Variants in KIF13A observed in about 807,000 individuals in gnomAD.
The protein encoded by KIF13A is kinesin family member 13A.
KIF13A carries 79 observed loss-of-function variants against 212.2 expected under a neutral mutation model. The ratio of observed to expected loss-of-function variants is 0.37; its 90% CI spans 0.31 to 0.45. KIF13A has a LOEUF of 0.45. Among genes scored for constraint, KIF13A ranks in the 20% least tolerant of loss-of-function variants. The pLI is 1.00. For synonymous variants in KIF13A, 789 were observed against 808.6 expected, an observed-to-expected ratio of 0.98 and a Z score of 0.41; for missense variants, 1,901 against 2,209.0, an observed-to-expected ratio of 0.86 and a Z score of 2.79.
chr6:17,827,650 T>C lies in KIF13A; in HGVS notation c.1532+590A>G, dbSNP rs1309702898. On this transcript the variant is annotated intron_variant, in intron 14 of 38. Coordinates refer to ENST00000259711, the MANE Select transcript of KIF13A (RefSeq NM_022113.6). The stretch of plus-strand genomic sequence containing the variant: ...CTCCCACCTCAGCCTTGTAAGTAGC[T>C]GGGACTAGAGGAATTGAACACCATG... Among the ~76,000 whole-genome samples the C allele has an allele frequency of 2.0e-5, 3 of 152,198 alleles. No individual in the cohort carries two copies. In the East Asian group the frequency reaches 5.8e-4, roughly 29 times the overall value.
intron 2 of KIF13A, among the ~76,000 whole-genome samples, chr6:17,946,425 G>C (rs1418829452): frequency 1.3e-5 from 2 of 148,252 alleles, no homozygotes; most frequent in African/African-American, 5.0e-5. Flanking sequence ...TAACACCAAG[G>C]AATCAATTTT....
chr6:17,844,692 G>A (rs1766848273), intron 9 of KIF13A, among the ~76,000 whole-genome samples: 1 of 152,178 alleles, frequency 6.6e-6, no homozygotes, highest in Non-Finnish European at 1.5e-5. Context: ...GTGTCCCAAG[G>A]AGCAGAGTTT....
Position 17,898,142 on chromosome 6 carries a change from A to G in KIF13A, c.159+26T>C, listed in dbSNP as rs1285106105. ...ATTTTTGCACACTAAGCCAGTATAC[A>G]TGCCAAATTTCATATTAGTGCTTAC... On this transcript the variant is annotated intron_variant, in intron 3 of 38. Transcript: ENST00000259711. The surrounding 1 kb of genome is among the most constrained non-coding windows in gnomAD (Gnocchi z 5.2). The G allele has an allele frequency of 2.5e-6, 4 of 1,611,530 alleles. No homozygotes were observed. Among genetic ancestry groups the G allele is most frequent in the Non-Finnish European group, 3.4e-6 (4 of 1,178,188 alleles).
intron 2 of KIF13A, among the ~76,000 whole-genome samples, chr6:17,942,321 GAAC>G (rs1280773252): frequency 4.4e-5 from 6 of 136,154 alleles, no homozygotes; most frequent in Admixed American, 7.6e-5. Flanking sequence ...AACACAACAA[GAAC>G]AACAACAACA....
chr6:17,880,249 G>A (rs535809322), intron 3 of KIF13A, among the ~76,000 whole-genome samples: 1 of 152,170 alleles, frequency 6.6e-6, no homozygotes, highest in Admixed American at 6.5e-5. Flanking sequence ...AACCACCATG[G>A]CTGGCCAGAA....
In KIF13A at chr6:17,829,296, T is replaced by A. The variant is rs1765230861; in HGVS notation, c.1402-926A>T. 6.6e-6 allele frequency among the ~76,000 whole-genome samples: 1 copy of A among 152,218 alleles called. No homozygotes were observed. The highest frequency in any genetic ancestry group is 1.5e-5 in the Non-Finnish European group (1 of 68,042). ...CTTAGCCCTCAGGGCTATAATATCA[T>A]TACATGTCTCATAGACTCCGGAAAA... On this transcript the variant is annotated intron_variant, in intron 13 of 38. Coordinates refer to ENST00000259711, the MANE Select transcript of KIF13A (RefSeq NM_022113.6). This position sits in a 1 kb window ranked among gnomAD's most constrained non-coding sequence, Gnocchi z 5.4.
chr6:17,866,059 G>C (rs1451391749), intron 4 of KIF13A, among the ~76,000 whole-genome samples: 1 of 152,204 alleles, frequency 6.6e-6, no homozygotes, highest in African/African-American at 2.4e-5. Flanking sequence ...CACCTGTGAA[G>C]AATGTCTTAC....
chr6:17,863,403 A>C (rs1392503666), intron 4 of KIF13A, among the ~76,000 whole-genome samples: 1 of 151,268 alleles, frequency 6.6e-6, no homozygotes, highest in African/African-American at 2.4e-5. Flanking sequence ...AGAAGGGTAC[A>C]GGGAAAAAAA....
chr6:17,899,278 C>G lies in KIF13A; in HGVS notation c.147-1098G>C, dbSNP rs1772848171. ...TTCCTGATAGTTACTCTTGATCAACCTCTGATATCCTCAATTCATAAACTA... is the reference window on the plus strand; with the variant it reads ...TTCCTGATAGTTACTCTTGATCAACGTCTGATATCCTCAATTCATAAACTA... On this transcript the variant is annotated intron_variant, in intron 2 of 38. Coordinates refer to ENST00000259711, the MANE Select transcript of KIF13A (RefSeq NM_022113.6). The surrounding 1 kb of genome is among the most constrained non-coding windows in gnomAD (Gnocchi z 5.2). Among the ~76,000 whole-genome samples, 1 of 152,122 alleles carries G rather than the reference C, an allele frequency of 6.6e-6. No individual in the cohort carries two copies. Among genetic ancestry groups the G allele is most frequent in the Admixed American group, 6.5e-5 (1 of 15,270 alleles).
At chr6:17,935,783 G>A (rs143909503) in intron 2 of KIF13A, among the ~76,000 whole-genome samples, 11 of 152,260 alleles carry the variant, frequency 7.2e-5, no homozygotes, top group Non-Finnish European at 1.5e-4. Context: ...CTCAAAAGTT[G>A]ATGTACACTA....
rs369452786 is a variant in KIF13A, at chr6:17,914,001, C to T, written c.147-15821G>A. On this transcript the variant is annotated intron_variant, in intron 2 of 38. Transcript: ENST00000259711. The surrounding 1 kb of genome is among the most constrained non-coding windows in gnomAD (Gnocchi z 5.9). ...TTCCAAGGTATGGGCCACAATCTCACCTTCCTTTAGAGGTCACATGCCACG... is the reference window on the plus strand; with the variant it reads ...TTCCAAGGTATGGGCCACAATCTCATCTTCCTTTAGAGGTCACATGCCACG... 6.6e-6 allele frequency among the ~76,000 whole-genome samples: 1 copy of T among 152,154 alleles called. No homozygotes were observed. The highest frequency in any genetic ancestry group is 2.4e-5 in the African/African-American group (1 of 41,444).
chr6:17,846,604 T>TAA (rs11431431), intron 9 of KIF13A, among the ~76,000 whole-genome samples: 6,154 of 126,848 alleles, frequency 0.049, 216 homozygotes, highest in African/African-American at 0.092. Context: ...CCCATTTCTT[T>TAA]AAAAAAAAAA....
chr6:17,957,028 C>T (rs956244669), intron 2 of KIF13A, among the ~76,000 whole-genome samples: 4 of 152,040 alleles, frequency 2.6e-5, no homozygotes, highest in Admixed American at 6.6e-5. Context: ...TTGCAGGTAC[C>T]CACCACCATG....
Position 17,883,782 on chromosome 6 carries a change from T to C in KIF13A, c.160-10345A>G, listed in dbSNP as rs922756567. On this transcript the variant is annotated intron_variant, in intron 3 of 38. Transcript: ENST00000259711. The surrounding 1 kb of genome is among the most constrained non-coding windows in gnomAD (Gnocchi z 4.8). ...GAAGGAAGGGGAGAGCCAGGTGCAATGGTATGCACCTGCAGTCCCAGCTGC... is the reference window on the plus strand; with the variant it reads ...GAAGGAAGGGGAGAGCCAGGTGCAACGGTATGCACCTGCAGTCCCAGCTGC... Among the ~76,000 whole-genome samples the C allele has an allele frequency of 6.6e-6, 1 of 151,948 alleles. No homozygotes were observed. The highest frequency in any genetic ancestry group is 2.4e-5 in the African/African-American group (1 of 41,372).
chr6:17,893,917 G>A, intron 3 of KIF13A, among the ~76,000 whole-genome samples: 1 of 129,152 alleles, frequency 7.7e-6, no homozygotes, highest in South Asian at 2.5e-4. Context: ...TCGGCTCACT[G>A]CAACCTCTGC....
Position 17,828,177 on chromosome 6 carries a change from C to T in KIF13A, c.1532+63G>A, listed in dbSNP as rs774953282. ...ATAGCTGAAAGCAAACAGAAAGAGG[C>T]AGCCTTCTCCTTCTGAAAATAAGGC... On this transcript the variant is annotated intron_variant, in intron 14 of 38. Coordinates refer to ENST00000259711, the MANE Select transcript of KIF13A (RefSeq NM_022113.6). This position sits in a 1 kb window ranked among gnomAD's most constrained non-coding sequence, Gnocchi z 4.3. The T allele has an allele frequency of 3.3e-6, 5 of 1,510,438 alleles. No homozygotes were observed. The highest frequency in any genetic ancestry group is 4.5e-6 in the Non-Finnish European group (5 of 1,111,722). 93.6% of individuals were successfully genotyped at this position (1,510,438 alleles called of 1,614,324 possible). A position where few individuals can be genotyped will look rare whatever the true frequency, so the allele number is the denominator to read the frequency against.
intron 4 of KIF13A, among the ~76,000 whole-genome samples, chr6:17,869,906 G>C (rs937612352): frequency 6.6e-6 from 1 of 152,092 alleles, no homozygotes; most frequent in African/African-American, 2.4e-5. Flanking sequence ...CTGACAAATA[G>C]GTCGGTTTCA....
rs1459293757 is a variant in KIF13A at position 17,871,874 on chromosome 6, C to T, written c.220+1503G>A. Among the ~76,000 whole-genome samples, 1 of 152,184 alleles carries T rather than the reference C, an allele frequency of 6.6e-6. No individual in the cohort carries two copies. Among genetic ancestry groups the T allele is most frequent in the African/African-American group, 2.4e-5 (1 of 41,438 alleles). On this transcript the variant is annotated intron_variant, in intron 4 of 38. Transcript: ENST00000259711. This position sits in a 1 kb window ranked among gnomAD's most constrained non-coding sequence, Gnocchi z 4.4. ...GGGTTTGTATAACCATAGCATTTAT[C>T]CCCATTTGTCTCTGCATCTGTAGGA...
At chr6:17,812,074 A>T (rs1042072947) in intron 17 of KIF13A, 2 of 152,232 alleles carry the variant, frequency 1.3e-5, no homozygotes, top group African/African-American at 4.8e-5. Context: ...AAGAAAATCA[A>T]TCTGGAATTA....
Sources: allele counts gnomAD v4.1 joint callset (sites outside exome capture counted in the v4.1 genomes callset), GRCh38; gene constraint gnomAD v4.1.1; non-coding constraint Gnocchi (gnomAD v3.1); transcripts MANE v1.5; gene names NCBI Gene and HGNC (gene_info 2026-07-23, HGNC 2026-07-21).